Variants in RAD50 observed in about 807,000 individuals in gnomAD.
RAD50 encodes DNA repair protein RAD50.
A neutral mutation model predicts 168.8 loss-of-function variants in RAD50; 132 were observed. The observed-to-expected ratio is 0.78, with a 90% CI of 0.68 to 0.90. RAD50 has a LOEUF of 0.90. RAD50 is among the 40% of genes least tolerant of loss of function. RAD50 has a pLI of 0.00. For missense variants in RAD50, 1,347 were observed against 1,534.4 expected, an observed-to-expected ratio of 0.88 and a Z score of 2.04; for synonymous variants, 525 against 497.4, an observed-to-expected ratio of 1.06 and a Z score of -0.74.
At chr5:132,585,908 T>C (rs116502532) in intron 5 of RAD50, among the ~76,000 whole-genome samples, 1,527 of 152,304 alleles carry the variant, frequency 0.01, 28 homozygotes, top group African/African-American at 0.035. Flanking sequence ...GTTCTAAATA[T>C]GTTCTGGATA....
chr5:132,581,279 A>T (rs1353816832), intron 5 of RAD50, among the ~76,000 whole-genome samples: 6 of 151,818 alleles, frequency 4.0e-5, no homozygotes, highest in African/African-American at 1.5e-4. Context: ...AAAAAAAAAA[A>T]ATAGAATTTT....
At chr5:132,579,815 A>C (rs779004219) in intron 4 of RAD50, 47 bp from the exon 5 acceptor site, 2 of 1,467,586 alleles carry the variant, frequency 1.4e-6, no homozygotes, top group Non-Finnish European at 1.9e-6. Context: ...AATATATACC[A>C]TAATTTACTT....
Position 132,644,303 on chromosome 5 carries a change from C to G in RAD50, c.*1939C>G, listed in dbSNP as rs1258277475. ...GGAGGTGGGATAGGTGCCTTTCTGG[C>G]TTCTCATTGCTGCTTCTAGATCAGT... On this transcript the variant is annotated 3_prime_UTR_variant, in exon 25 of 25. Transcript: ENST00000378823. 5.8e-6 allele frequency: 1 copy of G among 172,180 alleles called. No homozygotes were observed. Among genetic ancestry groups the G allele is most frequent in the African/African-American group, 2.4e-5 (1 of 42,062 alleles). The allele number at this position is 172,180 out of a possible 1,614,324, so 10.7% of individuals were successfully genotyped here.
intron 2 of RAD50, among the ~76,000 whole-genome samples, chr5:132,572,173 T>C (rs980207631): frequency 6.6e-6 from 1 of 152,186 alleles, no homozygotes; most frequent in African/African-American, 2.4e-5. Context: ...TTCAATTTAA[T>C]ACTCATTCAT....
At chr5:132,639,573 T>C (rs1162693725) in intron 23 of RAD50, among the ~76,000 whole-genome samples, 1 of 152,234 alleles carries the variant, frequency 6.6e-6, no homozygotes, top group Admixed American at 6.5e-5. Flanking sequence ...TCTCTTTGAA[T>C]TAAAAATACT....
In RAD50 at chr5:132,642,168, ATT is replaced by A; in HGVS notation, c.3753-9_3753-8del. The A allele has an allele frequency of 6.2e-7, 1 of 1,611,764 alleles. No homozygotes were observed. The highest frequency in any genetic ancestry group is 1.7e-4 in the Middle Eastern group (1 of 6,060). ...TTTACTAATAATATGTTCTGAATAT[ATT>A]GTTGCAGGATAATAAAAAGTCGCTC... On this transcript the variant is annotated splice_polypyrimidine_tract_variant and splice_region_variant and intron_variant, in intron 24 of 24. Coordinates refer to ENST00000378823, the MANE Select transcript of RAD50 (RefSeq NM_005732.4).
intron 15 of RAD50, 91 bp from the exon 16 acceptor site, chr5:132,604,715 A>C: frequency 1.8e-6 from 2 of 1,100,624 alleles, no homozygotes; most frequent in Non-Finnish European, 2.7e-6. Context: ...GCATTTGTGG[A>C]TTCCATAGAC....
At chr5:132,573,149 C>T (rs1010823388) in intron 2 of RAD50, among the ~76,000 whole-genome samples, 1 of 152,174 alleles carries the variant, frequency 6.6e-6, no homozygotes, top group Non-Finnish European at 1.5e-5. Context: ...GACATCAGAT[C>T]AGCAACTTAC....
chr5:132,591,945 A>T lies in RAD50; in HGVS notation c.1704A>T (p.Gly568=), dbSNP rs2149842690. 6.2e-7 allele frequency: 1 copy of T among 1,609,924 alleles called. No homozygotes were observed. The highest frequency in any genetic ancestry group is 8.5e-7 in the Non-Finnish European group (1 of 1,176,386). Residue 568 remains glycine, a synonymous_variant, in exon 11 of 25, where the codon GGA becomes GGT. Coordinates refer to ENST00000378823, the MANE Select transcript of RAD50 (RefSeq NM_005732.4). ...GTGATGAATTAACCTCACTGTTGGG[A>T]TATTTTCCCAACAAAAAACAGCTTG... ...RHSDELTSLL[G]YFPNKKQLED... is the part of the protein sequence containing the mutation.
chr5:132,562,208 C>G (rs1750135538), intron 2 of RAD50, among the ~76,000 whole-genome samples: 1 of 152,084 alleles, frequency 6.6e-6, no homozygotes, highest in Non-Finnish European at 1.5e-5. Context: ...GGATTCTAGT[C>G]TTATTTAAAT....
In RAD50 at chr5:132,640,678, G is replaced by A. The variant is rs1060501944; in HGVS notation, c.3625G>A (p.Ala1209Thr). 2 of 1,614,162 alleles carry A rather than the reference G, an allele frequency of 1.2e-6. No homozygotes were observed. The highest frequency in any genetic ancestry group is 1.7e-6 in the Non-Finnish European group (2 of 1,180,016). The part of the protein sequence containing the change: ...GRCSAGQKVL[A>T]SLIIRLALAE... ...CATAGGGGCTTTTTTCCAGGTATTAGCCTCACTCATCATTCGCCTGGCCCT... is the reference window on the plus strand; with the variant it reads ...CATAGGGGCTTTTTTCCAGGTATTAACCTCACTCATCATTCGCCTGGCCCT... The change falls in exon 24 of 25, where the codon GCC becomes ACC. Residue 1209 changes from alanine to threonine, a missense_variant. Physicochemically the swap from Ala to Thr is moderately conservative, Grantham distance 58. Transcript: ENST00000378823.
intron 19 of RAD50, among the ~76,000 whole-genome samples, chr5:132,610,477 G>A (rs1303784512): frequency 6.6e-6 from 1 of 152,052 alleles, no homozygotes; most frequent in Non-Finnish European, 1.5e-5. Context: ...CTTTATGCAA[G>A]CATGGTAGTT....
At chr5:132,597,631 G>A (rs1750813981) in intron 13 of RAD50, among the ~76,000 whole-genome samples, 2 of 152,224 alleles carry the variant, frequency 1.3e-5, no homozygotes, top group African/African-American at 4.8e-5. Flanking sequence ...TAGCAGTCAA[G>A]CCTTAAGATG....
chr5:132,618,748 G>A (rs1303191966), intron 21 of RAD50, among the ~76,000 whole-genome samples: 1 of 152,104 alleles, frequency 6.6e-6, no homozygotes, highest in Admixed American at 6.5e-5. Flanking sequence ...ATGTATGTAT[G>A]TAAACACACA....
At chr5:132,611,094 CAAAT>C (rs1454544120) in intron 19 of RAD50, among the ~76,000 whole-genome samples, 1 of 152,126 alleles carries the variant, frequency 6.6e-6, no homozygotes, top group Admixed American at 6.5e-5. Context: ...TTCTAGTAGT[CAAAT>C]AAAGAGAGGA....
At chr5:132,636,096 A>G (rs1219462716) in intron 21 of RAD50, among the ~76,000 whole-genome samples, 1 of 152,238 alleles carries the variant, frequency 6.6e-6, no homozygotes, top group Non-Finnish European at 1.5e-5. Flanking sequence ...TATGCATCAG[A>G]TAAGAGGCCT....
chr5:132,640,106 A>AT (rs1751684822), intron 23 of RAD50, among the ~76,000 whole-genome samples: 1 of 152,084 alleles, frequency 6.6e-6, no homozygotes, highest in African/African-American at 2.4e-5. Context: ...AGTTACTTGG[A>AT]TTTTCTACAG....
At chr5:132,558,109 G>C (rs1750043656) in intron 1 of RAD50, among the ~76,000 whole-genome samples, 1 of 152,132 alleles carries the variant, frequency 6.6e-6, no homozygotes, top group Middle Eastern at 3.4e-3. Flanking sequence ...AAAGCAAGAC[G>C]ATGTCAGTAT....
chr5:132,614,005 A>G (rs1172967468), intron 19 of RAD50, among the ~76,000 whole-genome samples: 1 of 152,186 alleles, frequency 6.6e-6, no homozygotes, highest in Non-Finnish European at 1.5e-5. Context: ...TTTAAAAGTA[A>G]TAACACTGTG....
Sources: allele counts gnomAD v4.1 joint callset (sites outside exome capture counted in the v4.1 genomes callset), GRCh38; gene constraint gnomAD v4.1.1; transcripts MANE v1.5; gene names NCBI Gene and HGNC (gene_info 2026-07-23, HGNC 2026-07-21).